CDH1: variants seen among roughly 807,000 people sequenced by gnomAD.
CDH1 encodes the protein cadherin-1.
In CDH1, 35 loss-of-function variants were observed where a neutral mutation model predicts 84.5. The ratio of observed to expected loss-of-function variants is 0.41; its 90% CI spans 0.32 to 0.55. The LOEUF is 0.55. Ranked by LOEUF, CDH1 falls within the 20% of genes least tolerant of loss-of-function variation. The pLI, the probability that CDH1 is intolerant of heterozygous loss-of-function variation, is 0.19. For synonymous variants in CDH1, 417 were observed against 439.0 expected (o/e 0.95, Z 0.63); for missense variants, 994 against 1,126.6 (o/e 0.88, Z 1.68).
intron 11 of CDH1, among the ~76,000 whole-genome samples, chr16:68,819,947 C>T (rs1176332534): frequency 6.6e-6 from 1 of 152,050 alleles, no homozygotes; most frequent in Non-Finnish European, 1.5e-5. Flanking sequence ...ACCTGTAATC[C>T]CAGCACTTAG....
intron 9 of CDH1, 132 bp downstream of exon 9, chr16:68,813,627 A>G: frequency 1.1e-6 from 1 of 885,380 alleles, no homozygotes; most frequent in Non-Finnish European, 1.9e-6. Flanking sequence ...ATTGTAGTGG[A>G]CCATGTGGGA....
intron 2 of CDH1, chr16:68,763,513 G>A (rs1959285492): frequency 6.6e-6 from 1 of 152,278 alleles, no homozygotes; most frequent in African/African-American, 2.4e-5. Flanking sequence ...CAACTGCTGA[G>A]GCAGTTGAGG....
intron 2 of CDH1, among the ~76,000 whole-genome samples, chr16:68,754,928 G>A (rs1962979660): frequency 6.6e-6 from 1 of 152,096 alleles, no homozygotes; most frequent in African/African-American, 2.4e-5. Context: ...AAATTTAGGG[G>A]CAGTCATCAC....
chr16:68,795,162 T>C (rs1319193648), intron 2 of CDH1, among the ~76,000 whole-genome samples: 1 of 152,174 alleles, frequency 6.6e-6, no homozygotes, highest in Non-Finnish European at 1.5e-5. Flanking sequence ...AAAGAACACA[T>C]GCCAGAATCC....
At chr16:68,790,239 C>G (rs1960171001) in intron 2 of CDH1, among the ~76,000 whole-genome samples, 2 of 152,144 alleles carry the variant, frequency 1.3e-5, no homozygotes, top group Admixed American at 1.3e-4. Flanking sequence ...GTCAGCTGCC[C>G]TTTCCTGCAC....
At chr16:68,751,834 C>G (rs1597849981) in intron 2 of CDH1, among the ~76,000 whole-genome samples, 1 of 151,966 alleles carries the variant, frequency 6.6e-6, no homozygotes, top group Non-Finnish European at 1.5e-5. Context: ...CAGAGTCTTG[C>G]TCTGTCACCC....
intron 3 of CDH1, among the ~76,000 whole-genome samples, chr16:68,803,474 G>A (rs1176407805): frequency 2.6e-5 from 4 of 152,058 alleles, no homozygotes; most frequent in Admixed American, 6.6e-5. Flanking sequence ...TTCGGCTCAC[G>A]GCAACGTCTG....
At chr16:68,828,070 A>C (rs757456134) in intron 13 of CDH1, 104 bp from the exon 14 acceptor site, 6 of 1,322,290 alleles carry the variant, frequency 4.5e-6, no homozygotes, top group Non-Finnish European at 5.4e-6. Flanking sequence ...GTGGCTGTCT[A>C]ACTGCCCCCT....
At chr16:68,761,511 C>T (rs1349095438) in intron 2 of CDH1, among the ~76,000 whole-genome samples, 2 of 152,136 alleles carry the variant, frequency 1.3e-5, no homozygotes, top group Non-Finnish European at 2.9e-5. Flanking sequence ...GAGACCCAGA[C>T]ACATATGAAT....
intron 2 of CDH1, among the ~76,000 whole-genome samples, chr16:68,769,235 G>A (rs1037859814): frequency 1.2e-4 from 18 of 152,192 alleles, no homozygotes; most frequent in African/African-American, 4.1e-4. Context: ...AGCTATTTCT[G>A]TATTCATTAC....
intron 2 of CDH1, 128 bp from the exon 3 acceptor site, chr16:68,801,542 C>T (rs1960497911): frequency 1.3e-6 from 1 of 785,320 alleles, no homozygotes. Context: ...GTTCTGTCAC[C>T]AGATTATGGT....
At chr16:68,747,916 A>G (rs1177139759) in intron 2 of CDH1, among the ~76,000 whole-genome samples, 1 of 151,904 alleles carries the variant, frequency 6.6e-6, no homozygotes, top group Non-Finnish European at 1.5e-5. Context: ...GACACATGCC[A>G]ACACACCCGG....
chr16:68,770,690 AG>A (rs1959547961), intron 2 of CDH1, among the ~76,000 whole-genome samples: 1 of 151,094 alleles, frequency 6.6e-6, no homozygotes, highest in Non-Finnish European at 1.5e-5. Context: ...GGTAGAAAGG[AG>A]GACACCATGA....
chr16:68,753,321 T>C (rs117455762), intron 2 of CDH1, among the ~76,000 whole-genome samples: 1,984 of 150,700 alleles, frequency 0.013, 12 homozygotes, highest in Non-Finnish European at 0.021. Context: ...GAGAGAGTAC[T>C]GTAGGGCAAC....
chr16:68,803,159 T>C (rs1960560753), intron 3 of CDH1, among the ~76,000 whole-genome samples: 1 of 152,190 alleles, frequency 6.6e-6, no homozygotes, highest in Non-Finnish European at 1.5e-5. Context: ...CCAGTAAGAT[T>C]GGCATCTTCT....
intron 6 of CDH1, 50 bp downstream of exon 6, chr16:68,810,391 T>C (rs1960788935): frequency 6.4e-7 from 1 of 1,574,376 alleles, no homozygotes; most frequent in Non-Finnish European, 8.7e-7. Flanking sequence ...CTTAGGTTCT[T>C]TGGACCCCAA....
At chr16:68,767,651 G>A (rs1039697006) in intron 2 of CDH1, among the ~76,000 whole-genome samples, 2 of 152,162 alleles carry the variant, frequency 1.3e-5, no homozygotes, top group African/African-American at 4.8e-5. Flanking sequence ...TGTTATTGTT[G>A]TTTGTTTGTT....
At chr16:68,790,080 A>G (rs1051840950) in intron 2 of CDH1, among the ~76,000 whole-genome samples, 1 of 151,990 alleles carries the variant, frequency 6.6e-6, no homozygotes, top group African/African-American at 2.4e-5. Context: ...AAAACAAAAA[A>G]CCCAGGAAAG....
intron 2 of CDH1, among the ~76,000 whole-genome samples, chr16:68,771,613 G>A (rs988155179): frequency 7.2e-5 from 11 of 152,028 alleles, no homozygotes; most frequent in Non-Finnish European, 7.4e-5. Context: ...TTAGCTGGGC[G>A]TGGTGGCGCA....
Sources: allele counts gnomAD v4.1 joint callset (sites outside exome capture counted in the v4.1 genomes callset), GRCh38; gene constraint gnomAD v4.1.1; transcripts MANE v1.5; gene names NCBI Gene and HGNC (gene_info 2026-07-23, HGNC 2026-07-21).